QRICH1: variants seen among roughly 807,000 people sequenced by gnomAD.
QRICH1 encodes transcriptional regulator QRICH1.
A neutral mutation model predicts 87.1 loss-of-function variants in QRICH1; 16 were observed. The ratio of observed to expected loss-of-function variants is 0.18; its 90% confidence interval spans 0.12 to 0.28. QRICH1 has a LOEUF of 0.28. Ranked by LOEUF, QRICH1 falls within the 10% of genes least tolerant of loss-of-function variation. The probability of loss-of-function intolerance (pLI) is 1.00; values close to 1 mark genes in which losing one functional copy is unlikely to be tolerated. For missense variants in QRICH1, 647 were observed against 951.7 expected (o/e 0.68, Z 4.21); for synonymous variants, 367 against 368.4 (o/e 1.00, Z 0.05).
intron 6 of QRICH1, among the ~76,000 whole-genome samples, chr3:49,034,940 T>G (rs539158666): frequency 6.6e-6 from 1 of 152,176 alleles, no homozygotes; most frequent in South Asian, 2.1e-4. Flanking sequence ...AAAAGAACAT[T>G]CTGCCCGATA....
In QRICH1 at chr3:49,057,807, T is replaced by C. The variant is rs142419419; in HGVS notation, c.393A>G (p.Gln131=). The change falls in exon 3 of 10, where the codon CAA becomes CAG. Residue 131 remains glutamine, a synonymous_variant. Transcript: ENST00000395443. The surrounding 1 kb of genome is among the most constrained non-coding windows in gnomAD (Gnocchi z 5.4). ...GGATCTGCACCTGGACCTGGATGGGTTGCTCAGTAGGCTGGTGAACGGTGA... is the reference window on the plus strand; with the variant it reads ...GGATCTGCACCTGGACCTGGATGGGCTGCTCAGTAGGCTGGTGAACGGTGA... The part of the protein sequence containing the change: ...PQLTVHQPTE[Q]PIQVQVQIQG... The C allele has an allele frequency of 7.1e-5, 114 of 1,613,990 alleles. 1 individual carries two copies. The East Asian group carries it at 1.2e-3, about 17-fold the overall frequency.
chr3:49,044,334 T>C (rs1330473458), intron 6 of QRICH1, 56 bp downstream of exon 6: 40 of 1,351,160 alleles, frequency 3.0e-5, no homozygotes, highest in South Asian at 8.8e-5. Flanking sequence ...ACAGAAGCTA[T>C]TGATCTTTCT....
chr3:49,051,584 G>C (rs921826419), intron 3 of QRICH1, among the ~76,000 whole-genome samples: 626 of 56,794 alleles, frequency 0.011, no homozygotes, highest in Non-Finnish European at 0.012. Context: ...CCCCCCCTGC[G>C]CCCCCCCCCC....
At chr3:49,052,607 G>A (rs1293441085) in intron 3 of QRICH1, among the ~76,000 whole-genome samples, 1 of 152,188 alleles carries the variant, frequency 6.6e-6, no homozygotes, top group Non-Finnish European at 1.5e-5. Flanking sequence ...CCAGGTTCAG[G>A]CAATTCTGTG....
At chr3:49,064,066 C>T (rs2093451659) in intron 2 of QRICH1, among the ~76,000 whole-genome samples, 1 of 151,742 alleles carries the variant, frequency 6.6e-6, no homozygotes, top group African/African-American at 2.4e-5. Context: ...GCCACCATGC[C>T]TGGCTGGTTT....
chr3:49,034,315 A>T (rs1463354834), intron 6 of QRICH1, among the ~76,000 whole-genome samples: 1 of 151,524 alleles, frequency 6.6e-6, no homozygotes, highest in Non-Finnish European at 1.5e-5. Context: ...GATGGTGCAC[A>T]TCTGTGATCC....
intron 1 of QRICH1, among the ~76,000 whole-genome samples, chr3:49,078,893 T>C (rs967658924): frequency 2.0e-5 from 3 of 151,642 alleles, no homozygotes; most frequent in Non-Finnish European, 4.4e-5. Flanking sequence ...GGTTTTGCCA[T>C]GTTGGCCTGG....
In QRICH1 at chr3:49,032,248, C is replaced by T. The variant is rs992990308; in HGVS notation, c.2073G>A (p.Gln691=). ...TCAATGGATTCTCTGGATTTTCCGT[C>T]TGTTCTGCATACATGTCATCTGTAA... ...QKVTDDMYAE[Q]TENPENPLRC... The change falls in exon 9 of 10, where the codon CAG becomes CAA. Residue 691 remains glutamine (Q), a synonymous_variant. Coordinates refer to ENST00000395443, the MANE Select transcript of QRICH1 (RefSeq NM_198880.3). The T allele has an allele frequency of 3.7e-6, 6 of 1,613,828 alleles. No homozygotes were observed. Among genetic ancestry groups the T allele is most frequent in the Non-Finnish European group, 2.5e-6 (3 of 1,179,692 alleles).
At chr3:49,032,027 C>A (rs925935193) in intron 9 of QRICH1, among the ~76,000 whole-genome samples, 156 bp downstream of exon 9, 2 of 152,208 alleles carry the variant, frequency 1.3e-5, no homozygotes, top group African/African-American at 4.8e-5. Flanking sequence ...AAAGCCAGAG[C>A]AAGGCTGCTT....
chr3:49,035,997 G>T (rs1048438428), intron 6 of QRICH1, among the ~76,000 whole-genome samples: 4 of 151,584 alleles, frequency 2.6e-5, no homozygotes, highest in African/African-American at 9.7e-5. Flanking sequence ...GAGGTAGAAG[G>T]ATTGCTTCAG....
At chr3:49,034,862 A>T (rs2093265189) in intron 6 of QRICH1, among the ~76,000 whole-genome samples, 1 of 152,240 alleles carries the variant, frequency 6.6e-6, no homozygotes, top group Admixed American at 6.5e-5. Flanking sequence ...AGCAGGCAAC[A>T]GTATTCTCCT....
chr3:49,068,302 A>G (rs921926186), intron 2 of QRICH1, among the ~76,000 whole-genome samples: 1 of 151,922 alleles, frequency 6.6e-6, no homozygotes, highest in Admixed American at 6.6e-5. Context: ...GGCTGCACTG[A>G]GCTATGATTG....
intron 6 of QRICH1, among the ~76,000 whole-genome samples, chr3:49,040,884 C>T (rs997258684): frequency 2.0e-5 from 3 of 152,148 alleles, no homozygotes; most frequent in African/African-American, 7.2e-5. Flanking sequence ...TTGGTGCTGT[C>T]GGTGTTTTGA....
chr3:49,044,150 G>C (rs2093326742), intron 6 of QRICH1, among the ~76,000 whole-genome samples: 1 of 152,128 alleles, frequency 6.6e-6, no homozygotes, highest in South Asian at 2.1e-4. Context: ...GGAAAAAAAA[G>C]ATAGTAACTA....
chr3:49,075,727 T>A (rs1302573565), intron 2 of QRICH1, among the ~76,000 whole-genome samples: 1 of 152,060 alleles, frequency 6.6e-6, no homozygotes, highest in African/African-American at 2.4e-5. Flanking sequence ...GGCACGCAGA[T>A]CTCTTGAGGT....
intron 1 of QRICH1, among the ~76,000 whole-genome samples, chr3:49,079,876 A>G (rs1264647543): frequency 6.6e-6 from 1 of 152,118 alleles, no homozygotes; most frequent in African/African-American, 2.4e-5. Flanking sequence ...TAAAAATACA[A>G]AAATTAGCCA....
chr3:49,032,126 G>T, intron 9 of QRICH1, 57 bp downstream of exon 9: 1 of 1,326,104 alleles, frequency 7.5e-7, no homozygotes, highest in Non-Finnish European at 1.1e-6. Flanking sequence ...AAGTGAGCAT[G>T]CACACGCATA....
Position 49,057,091 on chromosome 3 carries a change from T to C in QRICH1, c.1109A>G (p.Asn370Ser), listed in dbSNP as rs768930628. ...GGTCTGCACTACCTCTTCATGGGAG[T>C]TTTTCACTACAGATGTGGTGCCCAC... ...KMVGTTSVVK[N>S]SHEEVVQTLA... Residue 370 changes from asparagine (N) to serine (S), a missense_variant, in exon 3 of 10, where the codon AAC (asparagine) becomes AGC (serine). By Grantham distance (46) the Asn-to-Ser change is conservative. Transcript: ENST00000395443. The surrounding 1 kb of genome is among the most constrained non-coding windows in gnomAD (Gnocchi z 5.4). The C allele has an allele frequency of 1.2e-6, 2 of 1,613,360 alleles. No homozygotes were observed. The highest frequency in any genetic ancestry group is 1.7e-6 in the Non-Finnish European group (2 of 1,179,836).
intron 4 of QRICH1, 139 bp from the exon 5 acceptor site, chr3:49,046,718 G>A (rs765265604): frequency 6.2e-6 from 6 of 966,186 alleles, no homozygotes; most frequent in Non-Finnish European, 9.0e-6. Context: ...TGTAATGTCA[G>A]AACTGGCCTA....
Sources: allele counts gnomAD v4.1 joint callset (sites outside exome capture counted in the v4.1 genomes callset), GRCh38; gene constraint gnomAD v4.1.1; non-coding constraint Gnocchi (gnomAD v3.1); transcripts MANE v1.5; gene names NCBI Gene and HGNC (gene_info 2026-07-23, HGNC 2026-07-21).